The following KCNB2 variants were observed in gnomAD, a reference collection of about 807,000 sequenced individuals.
KCNB2 encodes the protein delayed rectifier potassium channel protein.
Under a neutral mutation model 61.5 loss-of-function variants are expected in KCNB2, and 15 were observed. That is an observed-to-expected ratio of 0.24 (90% CI 0.16 to 0.38). KCNB2 has a LOEUF of 0.38. Among genes scored for constraint, KCNB2 ranks in the 10% least tolerant of loss-of-function variants. KCNB2 has a pLI of 1.00. For missense variants in KCNB2, 828 were observed against 1,125.2 expected, an observed-to-expected ratio of 0.74 and a Z score of 3.78; for synonymous variants, 457 against 446.0, an observed-to-expected ratio of 1.02 and a Z score of -0.31.
At chr8:72,558,490 A>C (rs1806461796) in intron 1 of KCNB2, among the ~76,000 whole-genome samples, 1 of 152,220 alleles carries the variant, frequency 6.6e-6, no homozygotes, top group Non-Finnish European at 1.5e-5. Flanking sequence ...GTAAAAGTTT[A>C]TTAGGTGGAA....
chr8:72,828,992 G>T (rs1327638899), intron 2 of KCNB2, among the ~76,000 whole-genome samples: 5 of 152,074 alleles, frequency 3.3e-5, no homozygotes, highest in Admixed American at 6.6e-5. Context: ...TTCTCTGTTG[G>T]GCCCTAACTT....
intron 2 of KCNB2, among the ~76,000 whole-genome samples, chr8:72,653,683 A>G (rs768603207): frequency 6.6e-6 from 1 of 152,156 alleles, no homozygotes; most frequent in African/African-American, 2.4e-5. Context: ...ATGTTTACAT[A>G]TCATCTATGG....
intron 2 of KCNB2, among the ~76,000 whole-genome samples, chr8:72,653,706 T>G (rs566230070): frequency 2.6e-5 from 4 of 152,296 alleles, no homozygotes; most frequent in African/African-American, 9.6e-5. Flanking sequence ...GCTTCCATGC[T>G]ATAACAGCAA....
chr8:72,664,883 A>G (rs773423474), intron 2 of KCNB2, among the ~76,000 whole-genome samples: 12 of 152,208 alleles, frequency 7.9e-5, no homozygotes, highest in Non-Finnish European at 1.3e-4. Flanking sequence ...GTGGAAGCAA[A>G]CCATGTCGAG....
intron 2 of KCNB2, among the ~76,000 whole-genome samples, chr8:72,595,936 A>G (rs752843044): frequency 2.0e-5 from 3 of 152,194 alleles, no homozygotes; most frequent in Non-Finnish European, 2.9e-5. Flanking sequence ...AGTGTATGTC[A>G]CACAAAACCA....
chr8:72,557,419 T>C (rs943248929), intron 1 of KCNB2, among the ~76,000 whole-genome samples: 1 of 152,174 alleles, frequency 6.6e-6, no homozygotes. Flanking sequence ...TTCTTTATTT[T>C]TTAATTGGTG....
At chr8:72,645,923 G>T (rs1186914627) in intron 2 of KCNB2, among the ~76,000 whole-genome samples, 1 of 152,078 alleles carries the variant, frequency 6.6e-6, no homozygotes, top group Non-Finnish European at 1.5e-5. Flanking sequence ...TATATTACAG[G>T]TTACAGAATG....
intron 2 of KCNB2, among the ~76,000 whole-genome samples, chr8:72,663,066 A>G (rs1290279804): frequency 6.6e-6 from 1 of 152,100 alleles, no homozygotes; most frequent in Non-Finnish European, 1.5e-5. Context: ...TTTATGGGAC[A>G]TTTCTGCACT....
intron 1 of KCNB2, among the ~76,000 whole-genome samples, chr8:72,558,446 CG>C (rs752809916): frequency 4.6e-5 from 7 of 152,050 alleles, no homozygotes; most frequent in Non-Finnish European, 8.8e-5. Context: ...TAATTCTTTC[CG>C]GGAAGGTACT....
chr8:72,596,028 G>A (rs960451382), intron 2 of KCNB2, among the ~76,000 whole-genome samples: 2 of 152,044 alleles, frequency 1.3e-5, no homozygotes, highest in Non-Finnish European at 2.9e-5. Context: ...GTTCACCACC[G>A]AATCTAATAA....
intron 2 of KCNB2, among the ~76,000 whole-genome samples, chr8:72,827,963 C>T (rs962658707): frequency 6.6e-6 from 1 of 152,046 alleles, no homozygotes; most frequent in African/African-American, 2.4e-5. Context: ...CAGGTGCCTG[C>T]CACCATGCCC....
intron 2 of KCNB2, among the ~76,000 whole-genome samples, chr8:72,899,479 C>G (rs1267089019): frequency 6.6e-6 from 1 of 152,064 alleles, no homozygotes; most frequent in Admixed American, 6.6e-5. Context: ...TCTGGAAAAC[C>G]CTAAAGACTA....
intron 2 of KCNB2, among the ~76,000 whole-genome samples, chr8:72,851,322 A>G (rs1450892679): frequency 2.1e-5 from 2 of 95,070 alleles, no homozygotes; most frequent in Non-Finnish European, 4.9e-5. Context: ...GACGAGTTGT[A>G]GCATCTGAGA....
At chr8:72,803,371 G>T (rs1042482986) in intron 2 of KCNB2, among the ~76,000 whole-genome samples, 1 of 152,130 alleles carries the variant, frequency 6.6e-6, no homozygotes, top group Admixed American at 6.5e-5. Context: ...TCACCAATAT[G>T]TTCCCAAACT....
chr8:72,647,244 A>T (rs1806143486), intron 2 of KCNB2, among the ~76,000 whole-genome samples: 1 of 152,162 alleles, frequency 6.6e-6, no homozygotes, highest in South Asian at 2.1e-4. Flanking sequence ...TCTACTAAGG[A>T]AACTAAAGAA....
At chr8:72,725,478 G>A (rs1222494144) in intron 2 of KCNB2, among the ~76,000 whole-genome samples, 5 of 145,410 alleles carry the variant, frequency 3.4e-5, no homozygotes, top group South Asian at 2.2e-4. Context: ...CTAGAAGGTG[G>A]ACTGGCATAT....
At chr8:72,922,587 G>T (rs2129008334) in intron 2 of KCNB2, among the ~76,000 whole-genome samples, 1 of 152,284 alleles carries the variant, frequency 6.6e-6, no homozygotes, top group African/African-American at 2.4e-5. Flanking sequence ...GAAAAGGCAG[G>T]AATGCTCTCT....
At chr8:72,778,760 A>AAAAAAG (rs1808704479) in intron 2 of KCNB2, among the ~76,000 whole-genome samples, 3 of 140,852 alleles carry the variant, frequency 2.1e-5, no homozygotes, top group African/African-American at 7.8e-5. Context: ...AAAAAAAAAA[A>AAAAAAG]AAAGAAAGAA....
intron 2 of KCNB2, among the ~76,000 whole-genome samples, chr8:72,827,373 T>A (rs1013031908): frequency 3.5e-4 from 53 of 152,230 alleles, no homozygotes; most frequent in African/African-American, 1.3e-3. Flanking sequence ...TCAGAGATAT[T>A]TTTTAAACCA....
Sources: allele counts gnomAD v4.1 joint callset (sites outside exome capture counted in the v4.1 genomes callset), GRCh38; gene constraint gnomAD v4.1.1; transcripts MANE v1.5; gene names NCBI Gene and HGNC (gene_info 2026-07-23, HGNC 2026-07-21).